The following AGMO variants were observed in gnomAD, a reference collection of about 807,000 sequenced individuals.
AGMO encodes alkylglycerol monooxygenase.
AGMO carries 75 observed loss-of-function variants against 60.2 expected under a neutral mutation model. That is an observed-to-expected ratio of 1.25 (90% CI 1.03 to 1.51). The LOEUF (loss-of-function observed/expected upper bound fraction) is 1.51, where lower values mean the gene tolerates loss of function less well. AGMO is among the 40% of genes most tolerant of loss of function. The probability of loss-of-function intolerance (pLI) is 0.00; values close to 1 mark genes in which losing one functional copy is unlikely to be tolerated. For synonymous variants in AGMO, 261 were observed against 177.1 expected (o/e 1.47, Z -3.76); for missense variants, 763 against 525.5 (o/e 1.45, Z -4.42).
At chr7:15,470,507 C>T (rs915510367) in intron 3 of AGMO, among the ~76,000 whole-genome samples, 1 of 151,714 alleles carries the variant, frequency 6.6e-6, no homozygotes, top group Non-Finnish European at 1.5e-5. Context: ...TAATTAGAAT[C>T]TTAATAAATT....
intron 12 of AGMO, among the ~76,000 whole-genome samples, chr7:15,310,380 C>T (rs1285718415): frequency 6.6e-6 from 1 of 152,022 alleles, no homozygotes; most frequent in Non-Finnish European, 1.5e-5. Flanking sequence ...CAGTTTCTAT[C>T]CTTTGCCAGA....
intron 12 of AGMO, among the ~76,000 whole-genome samples, chr7:15,272,752 TA>T (rs1248046312): frequency 6.6e-6 from 1 of 152,214 alleles, no homozygotes; most frequent in Non-Finnish European, 1.5e-5. Flanking sequence ...ACCAACAGTG[TA>T]AAAGTGTTCC....
At chr7:15,294,638 T>G (rs1344669277) in intron 12 of AGMO, among the ~76,000 whole-genome samples, 4 of 151,952 alleles carry the variant, frequency 2.6e-5, no homozygotes, top group African/African-American at 9.7e-5. Context: ...TTTGAGGCGA[T>G]GGGAAGGCTG....
At chr7:15,316,458 A>C (rs1780929194) in intron 12 of AGMO, among the ~76,000 whole-genome samples, 1 of 152,128 alleles carries the variant, frequency 6.6e-6, no homozygotes, top group Non-Finnish European at 1.5e-5. Context: ...TCTGAAACAA[A>C]GATCTACTCA....
intron 3 of AGMO, among the ~76,000 whole-genome samples, chr7:15,464,003 A>G (rs1562520455): frequency 2.0e-5 from 3 of 152,320 alleles, no homozygotes; most frequent in East Asian, 3.9e-4. Flanking sequence ...GGCATACTGA[A>G]TCATGAGAAA....
chr7:15,269,158 T>G (rs1480142848), intron 12 of AGMO, among the ~76,000 whole-genome samples: 1 of 152,104 alleles, frequency 6.6e-6, no homozygotes, highest in African/African-American at 2.4e-5. Context: ...GTGGTTGTAC[T>G]CCAATAAAAC....
intron 12 of AGMO, chr7:15,358,304 A>G (rs977278440): frequency 4.9e-6 from 2 of 412,184 alleles, no homozygotes; most frequent in Non-Finnish European, 1.0e-5. Flanking sequence ...TCTTCTGCAC[A>G]TAAAATGGCT....
chr7:15,486,950 T>C (rs1782939671), intron 3 of AGMO, among the ~76,000 whole-genome samples: 1 of 152,198 alleles, frequency 6.6e-6, no homozygotes, highest in African/African-American at 2.4e-5. Context: ...GCTGTCCCAT[T>C]TCCTTGACAA....
intron 12 of AGMO, among the ~76,000 whole-genome samples, chr7:15,301,032 T>C (rs952957571): frequency 3.3e-5 from 5 of 152,184 alleles, no homozygotes; most frequent in Admixed American, 1.3e-4. Context: ...GAAAACACCT[T>C]TTTATGCTCC....
intron 10 of AGMO, among the ~76,000 whole-genome samples, chr7:15,373,303 C>T (rs894616993): frequency 6.6e-6 from 1 of 151,750 alleles, no homozygotes; most frequent in African/African-American, 2.4e-5. Flanking sequence ...TATTTGGTAG[C>T]TCGTTTTCAT....
the AGMO span, among the ~76,000 whole-genome samples, chr7:15,186,916 A>G: frequency 6.6e-6 from 1 of 152,192 alleles, no homozygotes; most frequent in East Asian, 1.9e-4. Context: ...GGAAAAGGAA[A>G]AATTGGAGAG....
At chr7:15,366,093 C>T in intron 11 of AGMO, 47 bp downstream of exon 11, 1 of 1,441,746 alleles carries the variant, frequency 6.9e-7, no homozygotes, top group Non-Finnish European at 9.6e-7. Flanking sequence ...GTGGAAAATT[C>T]TTGAATTGAG....
intron 3 of AGMO, among the ~76,000 whole-genome samples, chr7:15,434,626 G>A (rs780452737): frequency 2.0e-5 from 3 of 152,120 alleles, no homozygotes; most frequent in Non-Finnish European, 2.9e-5. Flanking sequence ...CCATGTAAGA[G>A]AGTTTGGATG....
chr7:15,469,266 C>A (rs1782375127), intron 3 of AGMO, among the ~76,000 whole-genome samples: 1 of 151,768 alleles, frequency 6.6e-6, no homozygotes. Flanking sequence ...GGAACATGGA[C>A]CGTCTCATAA....
chr7:15,332,780 T>C (rs571943394), intron 12 of AGMO, among the ~76,000 whole-genome samples: 1 of 151,836 alleles, frequency 6.6e-6, no homozygotes, highest in African/African-American at 2.4e-5. Flanking sequence ...AAATGGCTTA[T>C]ATTTATTAAT....
At chr7:15,394,633 T>G (rs1421269931) in intron 5 of AGMO, among the ~76,000 whole-genome samples, 2 of 152,200 alleles carry the variant, frequency 1.3e-5, no homozygotes. Context: ...AGTTTTTGCC[T>G]TCCAACTATA....
chr7:15,390,558 A>T (rs1784095188), intron 8 of AGMO, 113 bp downstream of exon 8: 1 of 713,762 alleles, frequency 1.4e-6, no homozygotes, highest in Non-Finnish European at 2.2e-6. Flanking sequence ...ACAGTTAAAA[A>T]TTTTTTCAGG....
the AGMO span, among the ~76,000 whole-genome samples, chr7:15,172,024 A>G: frequency 6.6e-6 from 1 of 152,204 alleles, no homozygotes; most frequent in Non-Finnish European, 1.5e-5. Flanking sequence ...CAACTCAATG[A>G]GACAGTGATG....
chr7:15,445,491 T>G (rs910429188), intron 3 of AGMO, among the ~76,000 whole-genome samples: 1 of 152,208 alleles, frequency 6.6e-6, no homozygotes, highest in Admixed American at 6.5e-5. Context: ...TTTATAGATT[T>G]CTTAACCATT....
Sources: allele counts gnomAD v4.1 joint callset (sites outside exome capture counted in the v4.1 genomes callset), GRCh38; gene constraint gnomAD v4.1.1; transcripts MANE v1.5; gene names NCBI Gene and HGNC (gene_info 2026-07-23, HGNC 2026-07-21).